Variants in ANXA3 observed in about 807,000 individuals in gnomAD.
ANXA3 encodes the protein 35-alpha calcimedin.
In ANXA3, 46 loss-of-function variants were observed where a neutral mutation model predicts 48.8. The observed-to-expected ratio is 0.94, with a 90% CI of 0.74 to 1.21. The LOEUF is 1.21. ANXA3 is among the 50% of genes most tolerant of loss of function. ANXA3 has a pLI of 0.00. For missense variants in ANXA3, 383 were observed against 378.6 expected, an observed-to-expected ratio of 1.01 and a Z score of -0.10; for synonymous variants, 128 against 134.7, an observed-to-expected ratio of 0.95 and a Z score of 0.35.
At chr4:78,558,479 C>A (rs1299813891) in intron 2 of ANXA3, among the ~76,000 whole-genome samples, 7 of 152,182 alleles carry the variant, frequency 4.6e-5, no homozygotes, top group African/African-American at 1.7e-4. Context: ...AATAAGCAAT[C>A]AAGTCATTGC....
intron 7 of ANXA3, among the ~76,000 whole-genome samples, chr4:78,593,251 G>A (rs1290774050): frequency 6.6e-6 from 1 of 151,798 alleles, no homozygotes; most frequent in African/African-American, 2.4e-5. Flanking sequence ...CATCCAGACT[G>A]GAGTGCTGTG....
intron 2 of ANXA3, among the ~76,000 whole-genome samples, chr4:78,560,559 C>A (rs1722607058): frequency 6.6e-6 from 1 of 152,166 alleles, no homozygotes; most frequent in African/African-American, 2.4e-5. Flanking sequence ...CTCCTCTGAG[C>A]CTCAGTGTCC....
chr4:78,573,799 G>A (rs1722891422), intron 3 of ANXA3, among the ~76,000 whole-genome samples: 1 of 152,160 alleles, frequency 6.6e-6, no homozygotes, highest in Non-Finnish European at 1.5e-5. Context: ...CCAAATGTCG[G>A]TGTTTCCGGA....
intron 5 of ANXA3, among the ~76,000 whole-genome samples, chr4:78,582,838 A>G (rs1723100432): frequency 6.6e-6 from 1 of 152,162 alleles, no homozygotes. Context: ...TATTTTTATT[A>G]ATTTATTTTA....
At chr4:78,568,410 T>C (rs191808070) in intron 2 of ANXA3, among the ~76,000 whole-genome samples, 1 of 152,330 alleles carries the variant, frequency 6.6e-6, no homozygotes, top group Admixed American at 6.5e-5. Context: ...TCCCCGGCTC[T>C]TTGAGAGCTC....
intron 10 of ANXA3, 113 bp downstream of exon 10, chr4:78,597,527 C>G: frequency 1.5e-6 from 1 of 652,410 alleles, no homozygotes; most frequent in Non-Finnish European, 2.7e-6. Flanking sequence ...TTGCTCCCTA[C>G]AGCCCCCAAC....
chr4:78,593,363 C>T (rs1306940696), intron 7 of ANXA3, among the ~76,000 whole-genome samples: 5 of 152,082 alleles, frequency 3.3e-5, no homozygotes, highest in East Asian at 1.9e-4. Context: ...CCACCACACC[C>T]GGCTAATTTT....
chr4:78,605,584 T>C (rs1212629309), intron 12 of ANXA3, among the ~76,000 whole-genome samples: 1 of 152,024 alleles, frequency 6.6e-6, no homozygotes, highest in Non-Finnish European at 1.5e-5. Flanking sequence ...CAAGCAGAGG[T>C]TGCACATCTT....
chr4:78,597,509 C>T, intron 10 of ANXA3, 95 bp downstream of exon 10: 2 of 791,002 alleles, frequency 2.5e-6, no homozygotes, highest in East Asian at 5.5e-5. Flanking sequence ...CTGACTGATC[C>T]ATTTTTTTTG....
intron 12 of ANXA3, among the ~76,000 whole-genome samples, chr4:78,606,856 T>A (rs1377785154): frequency 6.6e-6 from 1 of 152,242 alleles, no homozygotes; most frequent in Non-Finnish European, 1.5e-5. Context: ...TCTCAGACTG[T>A]GCCTGGGACT....
chr4:78,599,036 C>A (rs988550962), intron 10 of ANXA3, among the ~76,000 whole-genome samples: 8 of 152,112 alleles, frequency 5.3e-5, no homozygotes, highest in Non-Finnish European at 5.9e-5. Flanking sequence ...TAAAAAAAGA[C>A]CTTATAATTC....
At chr4:78,555,557 G>A (rs1251453311) in intron 2 of ANXA3, among the ~76,000 whole-genome samples, 1 of 152,238 alleles carries the variant, frequency 6.6e-6, no homozygotes, top group Admixed American at 6.5e-5. Context: ...GGTGCTACAA[G>A]GTTGGACACA....
chr4:78,575,968 A>G (rs1209337788), intron 3 of ANXA3, among the ~76,000 whole-genome samples: 2 of 152,160 alleles, frequency 1.3e-5, no homozygotes, highest in African/African-American at 4.8e-5. Flanking sequence ...CAATGTATTG[A>G]AGAGCTCTTC....
At chr4:78,587,949 A>G (rs1723211375) in intron 6 of ANXA3, among the ~76,000 whole-genome samples, 2 of 152,158 alleles carry the variant, frequency 1.3e-5, no homozygotes, top group Non-Finnish European at 2.9e-5. Context: ...AAAAAAAGTT[A>G]GATGGTCATG....
At chr4:78,560,519 T>G (rs1321678864) in intron 2 of ANXA3, among the ~76,000 whole-genome samples, 1 of 152,204 alleles carries the variant, frequency 6.6e-6, no homozygotes, top group Non-Finnish European at 1.5e-5. Context: ...CTCACCCTCC[T>G]TTGTGTCAGT....
chr4:78,556,096 G>A (rs1325431665), intron 2 of ANXA3, among the ~76,000 whole-genome samples: 1 of 151,992 alleles, frequency 6.6e-6, no homozygotes, highest in African/African-American at 2.4e-5. Flanking sequence ...TCCACTTGTG[G>A]GTATGTATCT....
chr4:78,576,477 T>C (rs569157220), intron 3 of ANXA3, among the ~76,000 whole-genome samples: 2 of 152,200 alleles, frequency 1.3e-5, no homozygotes, highest in Non-Finnish European at 1.5e-5. Flanking sequence ...TTAAATTTTC[T>C]GTAGTGACAG....
At chr4:78,607,758 T>G (rs1447165852) in intron 12 of ANXA3, among the ~76,000 whole-genome samples, 1 of 152,060 alleles carries the variant, frequency 6.6e-6, no homozygotes, top group African/African-American at 2.4e-5. Flanking sequence ...CTATCGGAAT[T>G]GAGAAGAAAA....
intron 7 of ANXA3, among the ~76,000 whole-genome samples, chr4:78,594,478 C>T (rs957158312): frequency 1.3e-5 from 2 of 152,224 alleles, no homozygotes; most frequent in African/African-American, 4.8e-5. Context: ...TCCAAAGTGA[C>T]TGTACCATTT....
Sources: gnomAD v4.1 joint callset for allele counts (sites outside exome capture counted in the v4.1 genomes callset) on GRCh38, gnomAD v4.1.1 for gene constraint, MANE v1.5 for transcripts, NCBI Gene and HGNC (gene_info 2026-07-23, HGNC 2026-07-21) for gene names.